The following HMGCLL1 variants were observed in gnomAD, a reference collection of about 807,000 sequenced individuals.
The protein encoded by HMGCLL1 is 3-hydroxy-3-methylglutaryl-CoA lyase like 1.
HMGCLL1 carries 36 observed loss-of-function variants against 39.1 expected under a neutral mutation model. That is an observed-to-expected ratio of 0.92 (90% confidence interval 0.71 to 1.22). HMGCLL1 has a LOEUF of 1.22. Among genes scored for constraint, HMGCLL1 ranks in the 50% most tolerant of loss-of-function variants. The probability of loss-of-function intolerance (pLI) is 0.00; values close to 1 mark genes in which losing one functional copy is unlikely to be tolerated. For synonymous variants in HMGCLL1, 149 were observed against 144.0 expected, an observed-to-expected ratio of 1.03 and a Z score of -0.25; for missense variants, 451 against 416.5, an observed-to-expected ratio of 1.08 and a Z score of -0.72.
the HMGCLL1 span, among the ~76,000 whole-genome samples, chr6:55,633,286 A>G: frequency 6.6e-6 from 1 of 151,970 alleles, no homozygotes; most frequent in African/African-American, 2.4e-5. Flanking sequence ...TGCATGGTCA[A>G]GCATGCCCTT....
At chr6:55,668,523 G>C in the HMGCLL1 span, among the ~76,000 whole-genome samples, 11 of 151,956 alleles carry the variant, frequency 7.2e-5, no homozygotes, top group East Asian at 2.1e-3. Flanking sequence ...AACCTAGGCA[G>C]ATTGAATGTA....
chr6:55,618,082 A>T, the HMGCLL1 span, among the ~76,000 whole-genome samples: 1 of 152,096 alleles, frequency 6.6e-6, no homozygotes, highest in Non-Finnish European at 1.5e-5. Context: ...CATGATTTTT[A>T]GGAATGCATG....
chr6:55,516,968 C>T (rs1767774633), intron 3 of HMGCLL1, among the ~76,000 whole-genome samples: 1 of 152,028 alleles, frequency 6.6e-6, no homozygotes. Context: ...TATTCATTTA[C>T]CATACACATG....
the HMGCLL1 span, among the ~76,000 whole-genome samples, chr6:55,618,335 TA>T: frequency 6.8e-4 from 97 of 141,652 alleles, no homozygotes; most frequent in Middle Eastern, 7.0e-3. Context: ...CCAAAAAAAG[TA>T]AAAAAAAAAA....
intron 7 of HMGCLL1, among the ~76,000 whole-genome samples, chr6:55,477,623 A>T (rs1005671443): frequency 1.4e-5 from 2 of 144,662 alleles, no homozygotes; most frequent in Non-Finnish European, 3.0e-5. Context: ...ATGGGGGAAT[A>T]GATAAGTAAA....
chr6:55,585,800 A>ATCC, the HMGCLL1 span, among the ~76,000 whole-genome samples: 1 of 152,080 alleles, frequency 6.6e-6, no homozygotes, highest in African/African-American at 2.4e-5. Flanking sequence ...AAAATTTAAT[A>ATCC]CTCAATAGCT....
At chr6:55,445,345 T>TGAA (rs1345447956) in intron 7 of HMGCLL1, among the ~76,000 whole-genome samples, 1 of 152,022 alleles carries the variant, frequency 6.6e-6, no homozygotes, top group Non-Finnish European at 1.5e-5. Context: ...ACTATGTATG[T>TGAA]TTTCTTCACA....
At chr6:55,489,494 T>G (rs138767025) in intron 7 of HMGCLL1, among the ~76,000 whole-genome samples, 3 of 151,844 alleles carry the variant, frequency 2.0e-5, no homozygotes, top group African/African-American at 7.3e-5. Context: ...AATATTAGAC[T>G]GAGAAGAAAC....
the HMGCLL1 span, among the ~76,000 whole-genome samples, chr6:55,678,419 A>G: frequency 6.6e-6 from 1 of 152,176 alleles, no homozygotes; most frequent in Non-Finnish European, 1.5e-5. Flanking sequence ...ACAATAAGCT[A>G]CTAGTAAGCC....
intron 3 of HMGCLL1, among the ~76,000 whole-genome samples, chr6:55,522,260 C>T (rs1333587395): frequency 6.6e-6 from 1 of 151,786 alleles, no homozygotes; most frequent in South Asian, 2.1e-4. Context: ...TATTAAAATA[C>T]TCCAAAAAGT....
At chr6:55,506,499 T>G (rs1365519861) in intron 5 of HMGCLL1, among the ~76,000 whole-genome samples, 2 of 151,694 alleles carry the variant, frequency 1.3e-5, no homozygotes, top group Non-Finnish European at 3.0e-5. Flanking sequence ...AACCATGGTC[T>G]GAAAATATGA....
chr6:55,498,411 C>T (rs1316171895), intron 6 of HMGCLL1, among the ~76,000 whole-genome samples: 3 of 152,040 alleles, frequency 2.0e-5, no homozygotes, highest in Non-Finnish European at 4.4e-5. Flanking sequence ...TTTGAAAAAT[C>T]TGCAGTAGAT....
chr6:55,511,461 C>T (rs971775296), intron 5 of HMGCLL1, among the ~76,000 whole-genome samples: 1 of 151,906 alleles, frequency 6.6e-6, no homozygotes, highest in Non-Finnish European at 1.5e-5. Context: ...GTAATAAAAG[C>T]TACTATTTGG....
intron 7 of HMGCLL1, among the ~76,000 whole-genome samples, chr6:55,492,740 T>G (rs1398239085): frequency 6.6e-6 from 1 of 152,198 alleles, no homozygotes; most frequent in Non-Finnish European, 1.5e-5. Context: ...ATCCATGTAT[T>G]TACACTGTGG....
At chr6:55,663,579 A>T in the HMGCLL1 span, among the ~76,000 whole-genome samples, 6 of 151,672 alleles carry the variant, frequency 4.0e-5, no homozygotes, top group Non-Finnish European at 2.9e-5. Flanking sequence ...TTTGCTGAGG[A>T]TTGTTTTACT....
the HMGCLL1 span, among the ~76,000 whole-genome samples, chr6:55,641,465 T>A: frequency 3.3e-5 from 5 of 151,924 alleles, no homozygotes; most frequent in African/African-American, 1.2e-4. Context: ...GTTATATACG[T>A]GTGTGTGTGC....
At chr6:55,552,048 G>A (rs1360214375) in intron 1 of HMGCLL1, among the ~76,000 whole-genome samples, 2 of 151,804 alleles carry the variant, frequency 1.3e-5, no homozygotes, top group South Asian at 4.1e-4. Context: ...CTATATGAAA[G>A]GAAACTCAAT....
Position 55,543,477 on chromosome 6 carries a change from A to ATATATGATATATATCATATATATCAT in HMGCLL1, c.109-1338_109-1337insATGATATATATGATATATATCATATA, listed in dbSNP as rs1491502924. 9.6e-3 allele frequency among the ~76,000 whole-genome samples: 97 copies of ATATATGATATATATCATATATATCAT among 10,080 alleles called. 3 individuals carry two copies. The highest frequency in any genetic ancestry group is 0.12 in the Middle Eastern group (1 of 8). The allele number at this position is 10,080 out of a possible 152,430, so 6.6% of individuals were successfully genotyped here. A position where few individuals can be genotyped will look rare whatever the true frequency, so the allele number is the denominator to read the frequency against. On this transcript the variant is annotated intron_variant, in intron 1 of 8. Coordinates refer to ENST00000274901, the MANE Select transcript of HMGCLL1 (RefSeq NM_001042406.2). The stretch of plus-strand genomic sequence containing the variant: ...GATATATATCATATATATCATATAT[A>ATATATGATATATATCATATATATCAT]ATATATATATGATATATATCATATA...
At chr6:55,664,190 T>C in the HMGCLL1 span, among the ~76,000 whole-genome samples, 50 of 151,880 alleles carry the variant, frequency 3.3e-4, no homozygotes, top group Non-Finnish European at 6.6e-4. Context: ...AGTATTGATA[T>C]GTATGGATTT....
Sources: gnomAD v4.1 joint callset for allele counts (sites outside exome capture counted in the v4.1 genomes callset) on GRCh38, gnomAD v4.1.1 for gene constraint, MANE v1.5 for transcripts, NCBI Gene and HGNC (gene_info 2026-07-23, HGNC 2026-07-21) for gene names.